TRIP10: variants seen among roughly 807,000 people sequenced by gnomAD.
The protein encoded by TRIP10 is thyroid hormone receptor interactor 10.
Under a neutral mutation model 80.9 loss-of-function variants are expected in TRIP10, and 54 were observed. That is an observed-to-expected ratio of 0.67 (90% CI 0.54 to 0.84). The LOEUF (loss-of-function observed/expected upper bound fraction) is 0.84. Ranked by LOEUF, TRIP10 falls within the 40% of genes least tolerant of loss-of-function variation. TRIP10 has a pLI of 0.00. For missense variants in TRIP10, 773 were observed against 815.3 expected (o/e 0.95, Z 0.63); for synonymous variants, 321 against 307.2 (o/e 1.04, Z -0.47).
In TRIP10 at chr19:6,750,366, C is replaced by T. The variant is rs750328386; in HGVS notation, c.1470C>T (p.Pro490=). Reference sequence around the variant, plus strand: ...GCCTGAGCCGGCACGCCCGGCCTCCCGACCCCCCCGCTAGCGCCCCGCCAG... The same window carrying T: ...GCCTGAGCCGGCACGCCCGGCCTCCTGACCCCCCCGCTAGCGCCCCGCCAG... ...GDSLSRHARP[P]DPPASAPPDS... is the part of the protein sequence containing the mutation. Residue 490 remains proline, a synonymous_variant, in exon 13 of 15, where the codon CCC becomes CCT. Coordinates refer to ENST00000313244, the MANE Select transcript of TRIP10 (RefSeq NM_001288962.2). 3.1e-6 allele frequency: 5 copies of T among 1,613,906 alleles called. No homozygotes were observed. Among genetic ancestry groups the T allele is most frequent in the East Asian group, 2.2e-5 (1 of 44,882 alleles).
At position 6,750,590 on chromosome 19, in the gene TRIP10, C is replaced by T. The variant is rs769805776; in HGVS notation, c.1614C>T (p.Pro538=). The T allele has an allele frequency of 3.7e-6, 6 of 1,614,122 alleles. No individual in the cohort carries two copies. In the African/African-American group the frequency reaches 5.3e-5, roughly 14 times the overall value. Residue 538 remains proline (P), a synonymous_variant, in exon 14 of 15, where the codon CCC becomes CCT. Coordinates refer to ENST00000313244, the MANE Select transcript of TRIP10 (RefSeq NM_001288962.2). The stretch of plus-strand genomic sequence containing the variant: ...TTGATGAGGATTTCGAGGAGGAACC[C>T]ACATCCCCCATAGGTCACTGTGTGG... The part of the protein sequence containing the change: ...TEFDEDFEEE[P]TSPIGHCVAI...
In TRIP10 at chr19:6,744,694, C is replaced by T. The variant is rs1425628371; in HGVS notation, c.783C>T (p.Pro261=). 1.1e-5 allele frequency: 17 copies of T among 1,600,360 alleles called. No individual in the cohort carries two copies. The highest frequency in any genetic ancestry group is 1.3e-5 in the African/African-American group (1 of 74,650). The change falls in exon 8 of 15, where the codon CCC becomes CCT. Residue 261 remains proline (P), a synonymous_variant. Coordinates refer to ENST00000313244, the MANE Select transcript of TRIP10 (RefSeq NM_001288962.2). This position sits in a 1 kb window ranked among gnomAD's most constrained non-coding sequence, Gnocchi z 4.9. ...GMKVAANAVD[P]KNDSHVLIEL... is the part of the protein sequence containing the mutation. The stretch of plus-strand genomic sequence containing the variant: ...AGGTGGCTGCAAATGCTGTGGATCC[C>T]AAGAACGTGGGTGCCTGGTCTGGGT...
chr19:6,745,697 G>T lies in TRIP10; in HGVS notation c.985-332G>T. 1 of 985,242 alleles carries T rather than the reference G, an allele frequency of 1.0e-6. No individual in the cohort carries two copies. The highest frequency in any genetic ancestry group is 1.2e-6 in the Non-Finnish European group (1 of 829,896). The allele number at this position is 985,242 out of a possible 1,614,324, so 61.0% of individuals were successfully genotyped here. On this transcript the variant is annotated intron_variant, in intron 9 of 14. Transcript: ENST00000313244. This position sits in a 1 kb window ranked among gnomAD's most constrained non-coding sequence, Gnocchi z 7.2. The stretch of plus-strand genomic sequence containing the variant: ...GGGCCTCCCTGCCTCCTGGACCCAT[G>T]CTTGCTCCCGGACATAACATTCCAG...
rs749067723 is a variant in TRIP10, at chr19:6,740,983, C to T, written c.25-27C>T. 5 of 1,601,384 alleles carry T rather than the reference C, an allele frequency of 3.1e-6. No homozygotes were observed. In the African/African-American group the frequency reaches 4.0e-5, roughly 13 times the overall value. On this transcript the variant is annotated intron_variant, in intron 1 of 14. Coordinates refer to ENST00000313244, the MANE Select transcript of TRIP10 (RefSeq NM_001288962.2). ...AAATCGTGACCCCGGCCCCTCTCCC[C>T]TCCTCCCCCACCATGTCCCATGTCA...
chr19:6,740,479 G>A (rs1968880972), intron 1 of TRIP10, among the ~76,000 whole-genome samples: 1 of 152,214 alleles, frequency 6.6e-6, no homozygotes, highest in Non-Finnish European at 1.5e-5. Context: ...TAACCAGACT[G>A]CCACCCCCTC....
In TRIP10 at chr19:6,745,672, G is replaced by A. The variant is rs147244435; in HGVS notation, c.985-357G>A. ...GAAAGCTAAGTGGACAGAGAGACAT[G>A]GGCCTCCCTGCCTCCTGGACCCATG... On this transcript the variant is annotated intron_variant, in intron 9 of 14. Transcript: ENST00000313244. This position sits in a 1 kb window ranked among gnomAD's most constrained non-coding sequence, Gnocchi z 7.2. 4.1e-6 allele frequency: 4 copies of A among 985,212 alleles called. No homozygotes were observed. The East Asian group carries it at 3.4e-4, about 84-fold the overall frequency. 61.0% of individuals were successfully genotyped at this position (985,212 alleles called of 1,614,324 possible).
chr19:6,745,129 A>ACTGGAGGGAAGGAAGG lies in TRIP10; in HGVS notation c.984+137_984+152dup, dbSNP rs1401284583. 2 of 1,232,366 alleles carry ACTGGAGGGAAGGAAGG rather than the reference A, an allele frequency of 1.6e-6. No individual in the cohort carries two copies. The highest frequency in any genetic ancestry group is 1.7e-5 in the African/African-American group (1 of 57,694). The allele number at this position is 1,232,366 out of a possible 1,614,324, so 76.3% of individuals were successfully genotyped here. A position where few individuals can be genotyped will look rare whatever the true frequency, so the allele number is the denominator to read the frequency against. On this transcript the variant is annotated intron_variant, in intron 9 of 14. Transcript: ENST00000313244. The surrounding 1 kb of genome is among the most constrained non-coding windows in gnomAD (Gnocchi z 7.2). ...ATTTTCCTCTTGGCTGCCAGCCCGGACTGGAGGGAAGGAAGGCGGCCGATT... is the reference window on the plus strand; with the variant it reads ...ATTTTCCTCTTGGCTGCCAGCCCGGACTGGAGGGAAGGAAGGCTGGAGGGAAGGAAGGCGGCCGATT...
intron 12 of TRIP10, 54 bp downstream of exon 12, chr19:6,750,120 G>T: frequency 6.4e-7 from 1 of 1,569,684 alleles, no homozygotes; most frequent in Non-Finnish European, 8.6e-7. Flanking sequence ...CTGAGTCACT[G>T]CTGGGTGGGG....
At chr19:6,742,532 C>A (rs145360453) in intron 3 of TRIP10, among the ~76,000 whole-genome samples, 1 of 151,908 alleles carries the variant, frequency 6.6e-6, no homozygotes, top group East Asian at 1.9e-4. Context: ...AGGTCCAGTG[C>A]GGTGGCTCAC....
intron 1 of TRIP10, 124 bp from the exon 2 acceptor site, chr19:6,740,886 G>A (rs1361666259): frequency 1.3e-6 from 1 of 797,998 alleles, no homozygotes; most frequent in Non-Finnish European, 1.9e-6. Flanking sequence ...GCGGCGCCGG[G>A]AAGCCACTCC....
In TRIP10 at chr19:6,750,332, G is replaced by C; in HGVS notation, c.1436G>C (p.Arg479Pro). The change falls in exon 13 of 15, where the codon CGG becomes CCG. Residue 479 changes from arginine (R) to proline (P), a missense_variant. Arg to Pro is a moderately radical substitution (Grantham distance 103). Transcript: ENST00000313244. ...AEAESRVLSN[R>P]GDSLSRHARP... The stretch of plus-strand genomic sequence containing the variant: ...GCTGAAAGTCGAGTCCTTAGCAACC[G>C]GGGAGACAGCCTGAGCCGGCACGCC... 1 of 1,614,024 alleles carries C rather than the reference G, an allele frequency of 6.2e-7. No homozygotes were observed. The highest frequency in any genetic ancestry group is 8.5e-7 in the Non-Finnish European group (1 of 1,179,986).
chr19:6,745,375 GT>G lies in TRIP10; in HGVS notation c.984+386del, dbSNP rs745787588. 1.3e-5 allele frequency among the ~76,000 whole-genome samples: 2 copies of G among 152,122 alleles called. No individual in the cohort carries two copies. The highest frequency in any genetic ancestry group is 2.9e-5 in the Non-Finnish European group (2 of 68,026). On this transcript the variant is annotated intron_variant, in intron 9 of 14. Transcript: ENST00000313244. The surrounding 1 kb of genome is among the most constrained non-coding windows in gnomAD (Gnocchi z 7.2). The stretch of plus-strand genomic sequence containing the variant: ...CGCCCTGCATGTCTTGCTTTCTTGG[GT>G]TTTTGGATTTTAATATACCTTAGCA...
chr19:6,750,194 C>G, intron 12 of TRIP10, 98 bp from the exon 13 acceptor site: 1 of 1,580,874 alleles, frequency 6.3e-7, no homozygotes, highest in East Asian at 2.2e-5. Flanking sequence ...CCATCACAGC[C>G]TTGGCTGTGC....
chr19:6,742,833 C>A, intron 3 of TRIP10, 134 bp from the exon 4 acceptor site: 4 of 1,236,388 alleles, frequency 3.2e-6, no homozygotes, highest in East Asian at 2.4e-5. Flanking sequence ...GAATATGGAC[C>A]AGAATTTGTC....
In TRIP10 at chr19:6,744,601, G is replaced by C. The variant is rs778054353; in HGVS notation, c.690G>C (p.Gly230=). 2 of 1,614,170 alleles carry C rather than the reference G, an allele frequency of 1.2e-6. No individual in the cohort carries two copies. Among genetic ancestry groups the C allele is most frequent in the African/African-American group, 1.3e-5 (1 of 75,070 alleles). The change falls in exon 8 of 15, where the codon GGG becomes GGC. Residue 230 remains glycine (G), a synonymous_variant. Coordinates refer to ENST00000313244, the MANE Select transcript of TRIP10 (RefSeq NM_001288962.2). The surrounding 1 kb of genome is among the most constrained non-coding windows in gnomAD (Gnocchi z 4.9). The stretch of plus-strand genomic sequence containing the variant: ...GCAGGGCCACCCGCCTGGGTGCCGG[G>C]TATGGGCTCCTGTCGGAGGCCGAGC... ...DERRATRLGA[G]YGLLSEAELE...
Position 6,746,318 on chromosome 19 carries a change from A to C in TRIP10, c.1152+122A>C. 4 of 1,508,744 alleles carry C rather than the reference A, an allele frequency of 2.7e-6. No individual in the cohort carries two copies. The highest frequency in any genetic ancestry group is 2.7e-6 in the Non-Finnish European group (3 of 1,120,092). 93.5% of individuals were successfully genotyped at this position (1,508,744 alleles called of 1,614,324 possible). On this transcript the variant is annotated intron_variant, in intron 10 of 14. Coordinates refer to ENST00000313244, the MANE Select transcript of TRIP10 (RefSeq NM_001288962.2). This position sits in a 1 kb window ranked among gnomAD's most constrained non-coding sequence, Gnocchi z 6.2. ...CCTCTTCCCTGGTTGCCCAACCCAG[A>C]CCTGCTTTGCTCTGTGCATGGCTTC...
At position 6,751,214 on chromosome 19, in the gene TRIP10, C is replaced by T; in HGVS notation, c.*3C>T. 1 of 1,613,918 alleles carries T rather than the reference C, an allele frequency of 6.2e-7. No homozygotes were observed. Among genetic ancestry groups the T allele is most frequent in the Non-Finnish European group, 8.5e-7 (1 of 1,179,964 alleles). ...ACCTCCGAGTCACGCTCAATTGAAC[C>T]CTGCCAGAGACGGGAAGAGGGGGGC... On this transcript the variant is annotated 3_prime_UTR_variant, in exon 15 of 15. Transcript: ENST00000313244.
chr19:6,744,425 C>A lies in TRIP10; in HGVS notation c.643-129C>A. On this transcript the variant is annotated intron_variant, in intron 7 of 14. Transcript: ENST00000313244. This position sits in a 1 kb window ranked among gnomAD's most constrained non-coding sequence, Gnocchi z 4.9. The stretch of plus-strand genomic sequence containing the variant: ...TGGGCTGGAGTCTCTCTTCCCGACT[C>A]TGTCTTCCCCTCCAGACTGGCTTGG... 1 of 1,359,606 alleles carries A rather than the reference C, an allele frequency of 7.4e-7. No homozygotes were observed. The highest frequency in any genetic ancestry group is 1.0e-6 in the Non-Finnish European group (1 of 986,516). 84.2% of individuals were successfully genotyped at this position (1,359,606 alleles called of 1,614,324 possible).
rs1280820146 is a variant in TRIP10 at position 6,746,079 on chromosome 19, G to A, written c.1035G>A (p.Leu345=). The change falls in exon 10 of 15, where the codon TTG becomes TTA. Residue 345 remains leucine (L), a synonymous_variant. Transcript: ENST00000313244. This position sits in a 1 kb window ranked among gnomAD's most constrained non-coding sequence, Gnocchi z 6.2. The part of the protein sequence containing the change: ...SPLGGPVPSA[L]PNGPPSPRSG... ...TGGGGGGCCCCGTACCCTCGGCATT[G>A]CCTAACGGACCCCCGTCCCCCCGCT... 6.1e-6 allele frequency: 9 copies of A among 1,469,822 alleles called. No individual in the cohort carries two copies. Among genetic ancestry groups the A allele is most frequent in the South Asian group, 1.3e-5 (1 of 78,180 alleles). 91.0% of individuals were successfully genotyped at this position (1,469,822 alleles called of 1,614,324 possible). A position where few individuals can be genotyped will look rare whatever the true frequency, so the allele number is the denominator to read the frequency against.
Sources: allele counts gnomAD v4.1 joint callset (sites outside exome capture counted in the v4.1 genomes callset), GRCh38; gene constraint gnomAD v4.1.1; non-coding constraint Gnocchi (gnomAD v3.1); transcripts MANE v1.5; gene names NCBI Gene and HGNC (gene_info 2026-07-23, HGNC 2026-07-21).